ANKRD30A: variants seen among roughly 807,000 people sequenced by gnomAD.
ANKRD30A encodes ankyrin repeat domain-containing protein 30A.
ANKRD30A carries 170 observed loss-of-function variants against 166.3 expected under a neutral mutation model. The ratio of observed to expected loss-of-function variants is 1.02; its 90% CI spans 0.90 to 1.16. The LOEUF (loss-of-function observed/expected upper bound fraction) is 1.16, where lower values mean the gene tolerates loss of function less well. ANKRD30A is among the 50% of genes most tolerant of loss of function. ANKRD30A has a pLI of 0.00. For missense variants in ANKRD30A, 1,630 were observed against 1,518.0 expected (o/e 1.07, Z -1.23); for synonymous variants, 564 against 508.9 (o/e 1.11, Z -1.46).
the ANKRD30A span, chr10:37,240,828 T>C: frequency 6.6e-6 from 1 of 152,162 alleles, no homozygotes; most frequent in African/African-American, 2.4e-5. Flanking sequence ...TATTACTTTG[T>C]GTGAAAATTA....
At chr10:37,127,856 C>A (rs1297859602) in intron 1 of ANKRD30A, among the ~76,000 whole-genome samples, 1 of 151,946 alleles carries the variant, frequency 6.6e-6, no homozygotes, top group African/African-American at 2.4e-5. Context: ...ATGGTAAGTA[C>A]CATATTTAAA....
chr10:37,214,071 T>C (rs890982947), intron 31 of ANKRD30A, among the ~76,000 whole-genome samples: 1 of 151,662 alleles, frequency 6.6e-6, no homozygotes, highest in Non-Finnish European at 1.5e-5. Context: ...TTGTATCATG[T>C]ATTTTGAAGG....
intron 31 of ANKRD30A, 45 bp downstream of exon 31, chr10:37,201,370 C>G: frequency 7.1e-7 from 1 of 1,408,730 alleles, no homozygotes. Context: ...CCAAGTATTT[C>G]TCTAAAATGA....
chr10:37,227,555 C>T (rs936898088), intron 34 of ANKRD30A, among the ~76,000 whole-genome samples: 4 of 151,878 alleles, frequency 2.6e-5, no homozygotes, highest in African/African-American at 9.7e-5. Flanking sequence ...TTGCATATTA[C>T]CAGTTATATA....
At chr10:37,133,424 A>G (rs958305447) in intron 4 of ANKRD30A, among the ~76,000 whole-genome samples, 5 of 152,212 alleles carry the variant, frequency 3.3e-5, no homozygotes, top group Non-Finnish European at 7.3e-5. Context: ...TTTAAGGACT[A>G]TTGTGTTGAA....
At chr10:37,264,543 C>A in the ANKRD30A span, 1 of 464,556 alleles carries the variant, frequency 2.2e-6, no homozygotes, top group Admixed American at 3.3e-5. Context: ...AGTCATCTGG[C>A]TGTCTGGGGA....
chr10:37,161,698 T>C (rs1304672759), intron 15 of ANKRD30A, among the ~76,000 whole-genome samples: 2 of 152,176 alleles, frequency 1.3e-5, no homozygotes, highest in Non-Finnish European at 2.9e-5. Flanking sequence ...GGTTTCTCTG[T>C]TACAATCAGG....
the ANKRD30A span, among the ~76,000 whole-genome samples, chr10:37,256,752 A>G: frequency 1.3e-5 from 2 of 152,184 alleles, no homozygotes; most frequent in African/African-American, 4.8e-5. Context: ...AAAGTATTGC[A>G]TATGGTGGAT....
rs147589881 is a variant in ANKRD30A at position 37,166,210 on chromosome 10, C to A, written c.2065-395C>A. ...TGATCGTGAATATTTTAAATGTTTACTGCTGTATGTGTCCAGGCAAGTAGC... is the reference window on the plus strand; with the variant it reads ...TGATCGTGAATATTTTAAATGTTTAATGCTGTATGTGTCCAGGCAAGTAGC... On this transcript the variant is annotated intron_variant, in intron 18 of 35. Transcript: ENST00000361713. Among the ~76,000 whole-genome samples, 1,158 of 152,204 alleles carry A rather than the reference C, an allele frequency of 7.6e-3. 55 individuals carry two copies. Among genetic ancestry groups the A allele is most frequent in the Admixed American group, 0.069 (1,061 of 15,270 alleles).
chr10:37,192,053 T>A (rs554132871), intron 25 of ANKRD30A, among the ~76,000 whole-genome samples: 2 of 152,056 alleles, frequency 1.3e-5, no homozygotes, highest in African/African-American at 2.4e-5. Context: ...TTTTCTTTTT[T>A]AGAGACAGAG....
At chr10:37,263,823 C>A in the ANKRD30A span, among the ~76,000 whole-genome samples, 2 of 152,212 alleles carry the variant, frequency 1.3e-5, no homozygotes, top group South Asian at 4.2e-4. Flanking sequence ...GAGACAGTGG[C>A]AATTAATCCA....
At chr10:37,201,358 G>A (rs373395521) in intron 31 of ANKRD30A, 33 bp downstream of exon 31, 2 of 1,467,870 alleles carry the variant, frequency 1.4e-6, no homozygotes, top group Non-Finnish European at 1.9e-6. Flanking sequence ...AAGGTCATTT[G>A]ACCAAGTATT....
Position 37,196,091 on chromosome 10 carries a change from C to CTATT in ANKRD30A, c.2615-1188_2615-1185dup, listed in dbSNP as rs201608350. Among the ~76,000 whole-genome samples the CTATT allele has an allele frequency of 9.4e-4, 109 of 115,634 alleles. 1 individual carries two copies. Among genetic ancestry groups the CTATT allele is most frequent in the Middle Eastern group, 0.011 (2 of 184 alleles). The allele number at this position is 115,634 out of a possible 152,430, so 75.9% of individuals were successfully genotyped here. A position where few individuals can be genotyped will look rare whatever the true frequency, so the allele number is the denominator to read the frequency against. On this transcript the variant is annotated intron_variant, in intron 27 of 35. Transcript: ENST00000361713. ...AGAGTTAGAGGTTTTTTTATATTTT[C>CTATT]TATTTTTTTTTTTTTTTTTTTGTAG...
At chr10:37,235,834 A>ATC (rs200032152), downstream of ANKRD30A, among the ~76,000 whole-genome samples, 355 of 148,722 alleles carry the variant, frequency 2.4e-3, 6 homozygotes, top group Admixed American at 0.02. Flanking sequence ...CAGTGGCGCA[A>ATC]TCTCGGCTCA....
At chr10:37,203,764 A>C (rs1046135634) in intron 31 of ANKRD30A, among the ~76,000 whole-genome samples, 1 of 152,204 alleles carries the variant, frequency 6.6e-6, no homozygotes, top group African/African-American at 2.4e-5. Context: ...AATCTTCTTA[A>C]GCTGATATAA....
At chr10:37,232,697 T>TATAA (rs1273812991), downstream of ANKRD30A, 7 of 78,408 alleles carry the variant, frequency 8.9e-5, 1 homozygote, top group Non-Finnish European at 1.4e-4. Flanking sequence ...TATATATAAA[T>TATAA]AGAGAGAGAG....
intron 15 of ANKRD30A, among the ~76,000 whole-genome samples, chr10:37,159,752 A>G (rs910139838): frequency 6.6e-6 from 1 of 151,818 alleles, no homozygotes; most frequent in Non-Finnish European, 1.5e-5. Context: ...CTGGAGTGCC[A>G]TGGCGCGATC....
chr10:37,150,019 T>C (rs1343010483), intron 11 of ANKRD30A, among the ~76,000 whole-genome samples, 170 bp downstream of exon 11: 1 of 152,088 alleles, frequency 6.6e-6, no homozygotes, highest in Non-Finnish European at 1.5e-5. Context: ...AGAACAGTAA[T>C]TTTTAATATA....
At chr10:37,210,930 G>A (rs1357410299) in intron 31 of ANKRD30A, among the ~76,000 whole-genome samples, 1 of 151,982 alleles carries the variant, frequency 6.6e-6, no homozygotes, top group East Asian at 1.9e-4. Context: ...TGTTCATTTT[G>A]ATGTTAGTTG....
Sources: gnomAD v4.1 joint callset for allele counts (sites outside exome capture counted in the v4.1 genomes callset) on GRCh38, gnomAD v4.1.1 for gene constraint, MANE v1.5 for transcripts, NCBI Gene and HGNC (gene_info 2026-07-23, HGNC 2026-07-21) for gene names.